The following AUTS2 variants were observed in gnomAD, a reference collection of about 807,000 sequenced individuals.
AUTS2 encodes autism susceptibility gene 2 protein.
In AUTS2, 17 loss-of-function variants were observed where a neutral mutation model predicts 112.4. The ratio of observed to expected loss-of-function variants is 0.15; its 90% CI spans 0.10 to 0.23. The LOEUF is 0.23. Among genes scored for constraint, AUTS2 ranks in the 10% least tolerant of loss-of-function variants. The probability of loss-of-function intolerance (pLI) is 1.00; values close to 1 mark genes in which losing one functional copy is unlikely to be tolerated. For synonymous variants in AUTS2, 751 were observed against 702.7 expected, an observed-to-expected ratio of 1.07 and a Z score of -1.09; for missense variants, 1,510 against 1,701.6, an observed-to-expected ratio of 0.89 and a Z score of 1.98.
chr7:70,767,688 C>T (rs748705319), intron 9 of AUTS2, among the ~76,000 whole-genome samples: 1 of 152,132 alleles, frequency 6.6e-6, no homozygotes, highest in Non-Finnish European at 1.5e-5. Flanking sequence ...TAAATCAGAC[C>T]AAATGCTCAC....
Position 70,649,181 on chromosome 7 carries a change from A to C in AUTS2, c.691-49388A>C, listed in dbSNP as rs548353504. ...TGAGGCAGGTGGATTGCTTTAGCTC[A>C]GAAGTTTGAGACCTTTAGATTAGAA... On this transcript the variant is annotated intron_variant, in intron 5 of 18. Coordinates refer to ENST00000342771, the MANE Select transcript of AUTS2 (RefSeq NM_015570.4). 8.1e-5 allele frequency among the ~76,000 whole-genome samples: 12 copies of C among 147,474 alleles called. No homozygotes were observed. In the South Asian group the frequency reaches 2.1e-3, roughly 26 times the overall value.
intron 1 of AUTS2, among the ~76,000 whole-genome samples, chr7:69,630,600 A>G (rs992480373): frequency 1.3e-5 from 2 of 152,196 alleles, no homozygotes; most frequent in African/African-American, 4.8e-5. Context: ...TGTCAGGCCC[A>G]CTTGGAGCAG....
At chr7:70,736,239 C>G (rs1179556835) in intron 6 of AUTS2, among the ~76,000 whole-genome samples, 1 of 151,190 alleles carries the variant, frequency 6.6e-6, no homozygotes, top group Non-Finnish European at 1.5e-5. Flanking sequence ...GGAATAAATT[C>G]AATTGAACTG....
chr7:70,684,293 C>T (rs1331056795), intron 5 of AUTS2, among the ~76,000 whole-genome samples: 1 of 152,120 alleles, frequency 6.6e-6, no homozygotes, highest in Admixed American at 6.5e-5. Context: ...GGTTGGCCAC[C>T]ATTCTCAGGA....
chr7:70,034,845 CT>C (rs1800931095), intron 2 of AUTS2, among the ~76,000 whole-genome samples: 1 of 152,000 alleles, frequency 6.6e-6, no homozygotes, highest in African/African-American at 2.4e-5. Context: ...TTAAAAATTA[CT>C]TTTTTAGAGG....
chr7:69,990,399 A>G (rs1261986476), intron 2 of AUTS2, among the ~76,000 whole-genome samples: 1 of 152,124 alleles, frequency 6.6e-6, no homozygotes, highest in Non-Finnish European at 1.5e-5. Flanking sequence ...TATCTAGTTC[A>G]TTTTCATGTT....
intron 1 of AUTS2, among the ~76,000 whole-genome samples, chr7:69,786,736 G>C (rs1214754152): frequency 6.6e-6 from 1 of 152,158 alleles, no homozygotes; most frequent in Non-Finnish European, 1.5e-5. Context: ...TTACAGGCCT[G>C]AGCCACCGTG....
intron 1 of AUTS2, among the ~76,000 whole-genome samples, chr7:69,887,973 A>G (rs548448310): frequency 9.2e-5 from 14 of 152,114 alleles, no homozygotes; most frequent in African/African-American, 2.7e-4. Context: ...TATCCGGGAT[A>G]TGGATGTGGT....
At chr7:69,695,745 C>T (rs886115342) in intron 1 of AUTS2, among the ~76,000 whole-genome samples, 1 of 151,876 alleles carries the variant, frequency 6.6e-6, no homozygotes, top group African/African-American at 2.4e-5. Flanking sequence ...TAAAAATGCC[C>T]CCCTCCCACA....
intron 1 of AUTS2, among the ~76,000 whole-genome samples, chr7:69,604,953 C>T (rs577630779): frequency 1.9e-4 from 29 of 152,246 alleles, no homozygotes; most frequent in African/African-American, 6.7e-4. Flanking sequence ...AGTGATCTAC[C>T]GCCAAATAGT....
At chr7:70,438,805 G>A (rs1259710770) in intron 5 of AUTS2, among the ~76,000 whole-genome samples, 11 of 152,166 alleles carry the variant, frequency 7.2e-5, no homozygotes, top group Admixed American at 5.9e-4. Flanking sequence ...AATTGCTAAT[G>A]GTGGAAAAGA....
chr7:70,076,182 T>A (rs1050801920), intron 2 of AUTS2, among the ~76,000 whole-genome samples: 1 of 152,246 alleles, frequency 6.6e-6, no homozygotes, highest in Non-Finnish European at 1.5e-5. Context: ...CTTTCTCTTT[T>A]TTTGGCGTAA....
Position 69,599,993 on chromosome 7 carries a change from C to A in AUTS2, c.309+31C>A. ...GGGGACCCCCCTTCCCCCGGGTTCC[C>A]TTTATGCACGACCCCACTCGGCTGC... is the stretch of plus-strand genomic sequence containing the variant. On this transcript the variant is annotated intron_variant, in intron 1 of 18. Transcript: ENST00000342771. The surrounding 1 kb of genome is among the most constrained non-coding windows in gnomAD (Gnocchi z 7.0). The A allele has an allele frequency of 6.2e-7, 1 of 1,610,780 alleles. No homozygotes were observed. Among genetic ancestry groups the A allele is most frequent in the Non-Finnish European group, 8.5e-7 (1 of 1,178,386 alleles).
chr7:70,786,125 G>T (rs1239793922), intron 17 of AUTS2, 87 bp downstream of exon 17: 1 of 1,186,142 alleles, frequency 8.4e-7, no homozygotes, highest in African/African-American at 1.5e-5. Context: ...TAGAGAAAAG[G>T]AAACTATGCT....
intron 5 of AUTS2, among the ~76,000 whole-genome samples, chr7:70,648,188 G>GC (rs1275058724): frequency 6.6e-6 from 1 of 152,134 alleles, no homozygotes; most frequent in African/African-American, 2.4e-5. Flanking sequence ...GCTGTCCTAG[G>GC]CCCAGGATGA....
chr7:69,675,917 T>G (rs936992480), intron 1 of AUTS2, among the ~76,000 whole-genome samples: 2 of 152,080 alleles, frequency 1.3e-5, no homozygotes, highest in African/African-American at 4.8e-5. Flanking sequence ...AAACTAAGTG[T>G]GAGGAGTACA....
intron 2 of AUTS2, among the ~76,000 whole-genome samples, chr7:69,903,131 A>G (rs1465812163): frequency 6.6e-6 from 1 of 151,622 alleles, no homozygotes; most frequent in Non-Finnish European, 1.5e-5. Context: ...TTTTTTTCTC[A>G]ATGGAGATTT....
At chr7:69,893,248 A>G (rs1440910965) in intron 1 of AUTS2, among the ~76,000 whole-genome samples, 1 of 152,222 alleles carries the variant, frequency 6.6e-6, no homozygotes, top group Non-Finnish European at 1.5e-5. Context: ...TCTACTTTCT[A>G]AAAAGTTTAG....
rs1799947383 is a variant in AUTS2, at chr7:70,528,451, A to G, written c.690+92670A>G. ...AAGTATGTAAATACTCAAAGTGTTT[A>G]TACTGCATTACTTTATCATGGAAGT... On this transcript the variant is annotated intron_variant, in intron 5 of 18. Coordinates refer to ENST00000342771, the MANE Select transcript of AUTS2 (RefSeq NM_015570.4). Among the ~76,000 whole-genome samples the G allele has an allele frequency of 4.6e-5, 7 of 152,182 alleles. No homozygotes were observed. The South Asian group carries it at 1.2e-3, about 27-fold the overall frequency.
Sources: allele counts gnomAD v4.1 joint callset (sites outside exome capture counted in the v4.1 genomes callset), GRCh38; gene constraint gnomAD v4.1.1; non-coding constraint Gnocchi (gnomAD v3.1); transcripts MANE v1.5; gene names NCBI Gene and HGNC (gene_info 2026-07-23, HGNC 2026-07-21).